The following DDX31 variants were observed in gnomAD, a reference collection of about 807,000 sequenced individuals.
DDX31 encodes the protein DEAD-box helicase 31.
A neutral mutation model predicts 91.3 loss-of-function variants in DDX31; 70 were observed. That is an observed-to-expected ratio of 0.77 (90% CI 0.63 to 0.94). DDX31 has a LOEUF of 0.94. DDX31 is among the 40% of genes least tolerant of loss of function. DDX31 has a pLI of 0.00. For synonymous variants in DDX31, 362 were observed against 350.6 expected, an observed-to-expected ratio of 1.03 and a Z score of -0.36; for missense variants, 902 against 925.0, an observed-to-expected ratio of 0.98 and a Z score of 0.32.
intron 5 of DDX31, 47 bp downstream of exon 5, chr9:132,659,663 C>T (rs1227124927): frequency 6.4e-7 from 1 of 1,569,996 alleles, no homozygotes; most frequent in Admixed American, 1.8e-5. Context: ...AGTGCATGAC[C>T]ATGGGCCTGA....
chr9:132,634,971 C>T (rs1833017325), intron 14 of DDX31, among the ~76,000 whole-genome samples: 1 of 152,046 alleles, frequency 6.6e-6, no homozygotes, highest in African/African-American at 2.4e-5. Flanking sequence ...AACCACACCC[C>T]TGCCTTTGAT....
At chr9:132,662,937 T>C (rs148747338) in intron 1 of DDX31, among the ~76,000 whole-genome samples, 217 of 152,302 alleles carry the variant, frequency 1.4e-3, no homozygotes, top group African/African-American at 4.9e-3. Context: ...TCACCAGCCA[T>C]TCTTAACTGT....
At chr9:132,631,987 C>T in intron 15 of DDX31, 54 bp downstream of exon 15, 1 of 1,510,524 alleles carries the variant, frequency 6.6e-7, no homozygotes, top group Non-Finnish European at 9.1e-7. Flanking sequence ...AATGCATCTA[C>T]TCATGATCAT....
chr9:132,660,942 A>G, intron 4 of DDX31: 1 of 457,520 alleles, frequency 2.2e-6, no homozygotes, highest in Non-Finnish European at 3.9e-6. Context: ...GAAGCACAGA[A>G]AACAGCGGCG....
intron 1 of DDX31, chr9:132,663,116 A>T (rs1248678929): frequency 8.1e-7 from 1 of 1,230,384 alleles, no homozygotes; most frequent in Non-Finnish European, 1.1e-6. Flanking sequence ...GGGGAAAACG[A>T]ATCTTTTCTC....
chr9:132,611,498 G>C (rs1405706901), intron 19 of DDX31, among the ~76,000 whole-genome samples: 1 of 152,142 alleles, frequency 6.6e-6, no homozygotes, highest in African/African-American at 2.4e-5. Flanking sequence ...GCCCAGCCTC[G>C]AACAGGGCAA....
At chr9:132,620,759 C>T (rs1011957952) in intron 17 of DDX31, among the ~76,000 whole-genome samples, 6 of 152,110 alleles carry the variant, frequency 3.9e-5, no homozygotes, top group African/African-American at 7.2e-5. Flanking sequence ...TCTCAGCCCC[C>T]GACAGGTAAA....
chr9:132,595,888 C>T lies in DDX31; in HGVS notation c.1995-776G>A, dbSNP rs1003074756. Among the ~76,000 whole-genome samples the T allele has an allele frequency of 6.6e-6, 1 of 152,256 alleles. No homozygotes were observed. Among genetic ancestry groups the T allele is most frequent in the South Asian group, 2.1e-4 (1 of 4,812 alleles). On this transcript the variant is annotated intron_variant, in intron 19 of 19. Transcript: ENST00000372159. The surrounding 1 kb of genome is among the most constrained non-coding windows in gnomAD (Gnocchi z 4.6). The stretch of plus-strand genomic sequence containing the variant: ...CTGTTCTGAAAAGATGGCAATTTTA[C>T]CATTTGATCGGAAGATCAGAGGAGG...
At chr9:132,608,428 C>T (rs1224721615) in intron 19 of DDX31, among the ~76,000 whole-genome samples, 1 of 152,032 alleles carries the variant, frequency 6.6e-6, no homozygotes, top group Non-Finnish European at 1.5e-5. Context: ...GAAAAGTGGT[C>T]GAGTGAAGGA....
At chr9:132,618,550 G>A in intron 17 of DDX31, 109 bp from the exon 18 acceptor site, 1 of 802,180 alleles carries the variant, frequency 1.2e-6, no homozygotes, top group Middle Eastern at 3.0e-4. Context: ...ACCACCTAGG[G>A]CCAACAAGGG....
intron 18 of DDX31, among the ~76,000 whole-genome samples, chr9:132,615,254 A>G (rs140894879): frequency 8.3e-4 from 126 of 152,320 alleles, no homozygotes; most frequent in African/African-American, 2.9e-3. Context: ...TTTGGATCAG[A>G]AACTAGTGGT....
intron 17 of DDX31, among the ~76,000 whole-genome samples, chr9:132,620,797 C>T (rs1321097719): frequency 6.6e-6 from 1 of 152,040 alleles, no homozygotes; most frequent in East Asian, 1.9e-4. Context: ...GCGGGTCAAA[C>T]CCCTGAGGGC....
chr9:132,667,758 C>T (rs1835413575), intron 1 of DDX31, among the ~76,000 whole-genome samples: 1 of 152,160 alleles, frequency 6.6e-6, no homozygotes, highest in South Asian at 2.1e-4. Context: ...AGTTACCAGG[C>T]TCTGCAGAGG....
rs183950763 is a variant in DDX31 at position 132,651,981 on chromosome 9, T to C, written c.633+467A>G. 2.2e-3 allele frequency among the ~76,000 whole-genome samples: 334 copies of C among 152,230 alleles called. 2 individuals are homozygous for C. The highest frequency in any genetic ancestry group is 3.6e-3 in the Non-Finnish European group (245 of 68,016). ...ATACCCTAATCTGAAGTTGCCTCTG[T>C]AGGCAAATAAAATAGATCAGATAGA... On this transcript the variant is annotated intron_variant, in intron 7 of 19. Coordinates refer to ENST00000372159, the MANE Select transcript of DDX31 (RefSeq NM_022779.9).
rs1834805946 is a variant in DDX31, at chr9:132,659,626, C to G, written c.523+84G>C. 3 of 1,399,306 alleles carry G rather than the reference C, an allele frequency of 2.1e-6. No homozygotes were observed. In the Admixed American group the frequency reaches 6.1e-5, roughly 28 times the overall value. 86.7% of individuals were successfully genotyped at this position (1,399,306 alleles called of 1,614,324 possible). A position where few individuals can be genotyped will look rare whatever the true frequency, so the allele number is the denominator to read the frequency against. ...AACGAAACAAAACTGCCACCACCAC[C>G]AACCCAGACACCGCATGGCAAAACC... On this transcript the variant is annotated intron_variant, in intron 5 of 19. Transcript: ENST00000372159.
intron 19 of DDX31, among the ~76,000 whole-genome samples, chr9:132,600,677 C>G (rs1310882387): frequency 6.6e-6 from 1 of 152,244 alleles, no homozygotes; most frequent in African/African-American, 2.4e-5. Context: ...TGGATGGGAA[C>G]TTTGAGACTA....
Position 132,595,236 on chromosome 9 carries a change from C to A in DDX31, c.1995-124G>T. The A allele has an allele frequency of 8.9e-7, 1 of 1,129,208 alleles. No homozygotes were observed. The highest frequency in any genetic ancestry group is 1.2e-6 in the Non-Finnish European group (1 of 809,278). The allele number at this position is 1,129,208 out of a possible 1,614,324, so 69.9% of individuals were successfully genotyped here. ...TGACATTTTTGTATTAACAGAAGTACAATCCCTTCAATAGTACTTGTTTTG... is the reference window on the plus strand; with the variant it reads ...TGACATTTTTGTATTAACAGAAGTAAAATCCCTTCAATAGTACTTGTTTTG... On this transcript the variant is annotated intron_variant, in intron 19 of 19. Coordinates refer to ENST00000372159, the MANE Select transcript of DDX31 (RefSeq NM_022779.9). This position sits in a 1 kb window ranked among gnomAD's most constrained non-coding sequence, Gnocchi z 4.6.
intron 19 of DDX31, among the ~76,000 whole-genome samples, chr9:132,599,182 C>T (rs1249842133): frequency 5.3e-5 from 8 of 152,200 alleles, no homozygotes; most frequent in Non-Finnish European, 1.0e-4. Context: ...CTCACTTTTC[C>T]AACCACCGCC....
At chr9:132,661,428 G>A (rs527922873) in intron 3 of DDX31, among the ~76,000 whole-genome samples, 177 bp from the exon 4 acceptor site, 1 of 152,250 alleles carries the variant, frequency 6.6e-6, no homozygotes, top group African/African-American at 2.4e-5. Flanking sequence ...TAACTCCCTG[G>A]GGACACAGGG....
Sources: gnomAD v4.1 joint callset for allele counts (sites outside exome capture counted in the v4.1 genomes callset) on GRCh38, gnomAD v4.1.1 for gene constraint, Gnocchi (gnomAD v3.1) non-coding constraint, MANE v1.5 for transcripts, NCBI Gene and HGNC (gene_info 2026-07-23, HGNC 2026-07-21) for gene names.